Variants in EPPK1 observed in about 807,000 individuals in gnomAD.
EPPK1 encodes the protein epiplakin.
For missense variants in EPPK1, 3,823 were observed against 3,673.3 expected, an observed-to-expected ratio of 1.04 and a Z score of -1.05; for synonymous variants, 1,862 against 1,721.2, an observed-to-expected ratio of 1.08 and a Z score of -2.03.
rs372536695 is a variant in EPPK1 at position 143,867,291 on chromosome 8, G to A, written c.5963C>T (p.Pro1988Leu). The A allele has an allele frequency of 5.5e-5, 89 of 1,612,248 alleles. No homozygotes were observed. The highest frequency in any genetic ancestry group is 1.3e-4 in the East Asian group (6 of 44,886). ...CTGCTTCTGCATGGCCTGGAACAGC[G>A]GGATCGTGTCTCCTGTGGCCGGATC... is the stretch of plus-strand genomic sequence containing the variant. ...YRDPATGDTI[P>L]LFQAMQKQLI... The change falls in exon 2 of 2, where the codon CCG becomes CTG. Residue 1988 changes from proline to leucine, a missense_variant. Physicochemically the swap from Pro to Leu is moderately conservative, Grantham distance 98 (BLOSUM62 -3). Transcript: ENST00000615648.
Position 143,871,286 on chromosome 8 carries a change from T to C in EPPK1, c.1968A>G (p.Pro656=). 1 of 1,612,658 alleles carries C rather than the reference T, an allele frequency of 6.2e-7. No individual in the cohort carries two copies. The highest frequency in any genetic ancestry group is 2.2e-5 in the East Asian group (1 of 44,880). ...AQAATGFIID[P]KANKGHSVEE... ...CAACGGAGTGCCCCTTGTTTGCTTT[T>C]GGGTCGATGATGAAGCCTGTGGCAG... The change falls in exon 2 of 2, where the codon CCA becomes CCG. Residue 656 remains proline (P), a synonymous_variant. Transcript: ENST00000615648.
intron 1 of EPPK1, 121 bp from the exon 2 acceptor site, chr8:143,873,419 TAG>T: frequency 1.5e-6 from 1 of 683,898 alleles, no homozygotes; most frequent in Non-Finnish European, 2.2e-6. Flanking sequence ...GACGTGCAGC[TAG>T]AGTGTCCCCG....
intron 1 of EPPK1, among the ~76,000 whole-genome samples, chr8:143,874,383 A>G (rs577318788): frequency 6.6e-6 from 1 of 152,360 alleles, no homozygotes; most frequent in South Asian, 2.1e-4. Context: ...ATCTTTGCAG[A>G]TATCACCCAG....
At position 143,867,953 on chromosome 8, in the gene EPPK1, C is replaced by T; in HGVS notation, c.5301G>A (p.Val1767=). Residue 1767 remains valine, a synonymous_variant, in exon 2 of 2, where the codon GTG becomes GTA. Transcript: ENST00000615648. ...LQIIKKGENY[V]YINEATRHVL... is the part of the protein sequence containing the mutation. ...CGTGTCTCGTGGCCTCATTGATGTA[C>T]ACGTAGTTTTCTCCTTTCTTTATGA... 6.2e-7 allele frequency: 1 copy of T among 1,613,716 alleles called. No individual in the cohort carries two copies. Among genetic ancestry groups the T allele is most frequent in the South Asian group, 1.1e-5 (1 of 91,064 alleles).
In EPPK1 at chr8:143,873,205, T is replaced by C. The variant is rs782674475; in HGVS notation, c.49A>G (p.Thr17Ala). The stretch of plus-strand genomic sequence containing the variant: ...GCTCTGGGTACACTGGCCTGCTCTG[T>C]GCTGTTGGTGCCTGGGACGGGAAGA... Reference protein sequence around the residue: ...PPLPVPGTNSTEQASVPRAMA... With the variant: ...PPLPVPGTNSAEQASVPRAMA... The change falls in exon 2 of 2, where the codon ACA (threonine) becomes GCA (alanine). Residue 17 changes from threonine to alanine, a missense_variant. Thr to Ala is a moderately conservative substitution (Grantham distance 58, BLOSUM62 0). Coordinates refer to ENST00000615648, the MANE Select transcript of EPPK1 (RefSeq NM_031308.4). 6.3e-7 allele frequency: 1 copy of C among 1,584,800 alleles called. No individual in the cohort carries two copies. Among genetic ancestry groups the C allele is most frequent in the South Asian group, 1.2e-5 (1 of 86,376 alleles).
intron 1 of EPPK1, among the ~76,000 whole-genome samples, chr8:143,876,266 G>A (rs1819475780): frequency 6.6e-6 from 1 of 152,154 alleles, no homozygotes; most frequent in Admixed American, 6.5e-5. Flanking sequence ...CCCTAGAGGG[G>A]ACCCTCAGGG....
rs371199802 is a variant in EPPK1, at chr8:143,872,902, C to T, written c.352G>A (p.Ala118Thr). 8 of 1,605,826 alleles carry T rather than the reference C, an allele frequency of 5.0e-6. No homozygotes were observed. The African/African-American group carries it at 9.4e-5, about 19-fold the overall frequency. The change falls in exon 2 of 2, where the codon GCC (alanine) becomes ACC (threonine). Residue 118 changes from alanine (A) to threonine (T), a missense_variant. Physicochemically the swap from Ala to Thr is moderately conservative, Grantham distance 58 (BLOSUM62 0). Coordinates refer to ENST00000615648, the MANE Select transcript of EPPK1 (RefSeq NM_031308.4). ...TAGGGGTCAGGATAGCCCGTAGTGG[C>T]ACGCTCAGCGGCCAGCAGCTTCTCC... ...LKEKLLAAER[A>T]TTGYPDPYGG... is the part of the protein sequence containing the mutation.
chr8:143,876,090 G>A (rs1819472027), intron 1 of EPPK1, among the ~76,000 whole-genome samples: 1 of 152,230 alleles, frequency 6.6e-6, no homozygotes, highest in South Asian at 2.1e-4. Flanking sequence ...CAAAGGCTAT[G>A]CTGCTCCCAG....
chr8:143,866,828 C>T lies in EPPK1; in HGVS notation c.6426G>A (p.Met2142Ile), dbSNP rs1176567985. The part of the protein sequence containing the change: ...TEEKKLQLVR[M>I]YRTHTRRALQ... ...GTGCCCGTCTGGTGTGTGTTCTATA[C>T]ATCCTCACCAGCTGGAGCTTCTTCT... The change falls in exon 2 of 2, where the codon ATG (methionine) becomes ATA (isoleucine). Residue 2142 changes from methionine to isoleucine, a missense_variant. Transcript: ENST00000615648. The T allele has an allele frequency of 5.0e-6, 8 of 1,613,418 alleles. No homozygotes were observed. The highest frequency in any genetic ancestry group is 1.7e-6 in the Non-Finnish European group (2 of 1,179,876).
rs1563891959 is a variant in EPPK1 at position 143,878,374 on chromosome 8, T to TGCCCGCACCCGCCGCACCTGCCCGCACCC, written c.-46+35_-46+63dup. 6.8e-4 allele frequency: 63 copies of TGCCCGCACCCGCCGCACCTGCCCGCACCC among 92,268 alleles called. 1 individual carries two copies. Among genetic ancestry groups the TGCCCGCACCCGCCGCACCTGCCCGCACCC allele is most frequent in the African/African-American group, 3.2e-3 (60 of 19,000 alleles). The allele number at this position is 92,268 out of a possible 1,614,324, so 5.7% of individuals were successfully genotyped here. A position where few individuals can be genotyped will look rare whatever the true frequency, so the allele number is the denominator to read the frequency against. ...AGCCCGCACCCGCACCCGCCGCACCTGCCCGCACCCGCCGCACCTGCCCGC... is the reference window on the plus strand; with the variant it reads ...AGCCCGCACCCGCACCCGCCGCACCTGCCCGCACCCGCCGCACCTGCCCGCACCCGCCCGCACCCGCCGCACCTGCCCGC... On this transcript the variant is annotated intron_variant, in intron 1 of 1. Coordinates refer to ENST00000615648, the MANE Select transcript of EPPK1 (RefSeq NM_031308.4).
rs1554659147 is a variant in EPPK1 at position 143,866,730 on chromosome 8, T to C, written c.6524A>G (p.Gln2175Arg). ...QETSNKHLWFQGIRRQITASE... is the reference protein window; with the variant it reads ...QETSNKHLWFRGIRRQITASE... ...AGCTGTGATCTGTCGTCTAATTCCT[T>C]GGAACCACAGGTGTTTGTTGCTGGT... Residue 2175 changes from glutamine (Q) to arginine (R), a missense_variant, in exon 2 of 2, where the codon CAA becomes CGA. Transcript: ENST00000615648. 1 of 1,613,368 alleles carries C rather than the reference T, an allele frequency of 6.2e-7. No homozygotes were observed. The highest frequency in any genetic ancestry group is 1.3e-5 in the African/African-American group (1 of 74,950).
rs1240051743 is a variant in EPPK1, at chr8:143,867,525, A to G, written c.5729T>C (p.Val1910Ala). Residue 1910 changes from valine to alanine, a missense_variant, in exon 2 of 2, where the codon GTC becomes GCC. Val to Ala is a moderately conservative substitution (Grantham distance 64). Coordinates refer to ENST00000615648, the MANE Select transcript of EPPK1 (RefSeq NM_031308.4). ...AGVTVPSTREVMSLHEASRKE... is the reference protein window; with the variant it reads ...AGVTVPSTREAMSLHEASRKE... ...CCTGCTGGCCTCATGGAGGCTCATG[A>G]CCTCCCTGGTGGAGGGCACCGTGAC... 1 of 1,612,132 alleles carries G rather than the reference A, an allele frequency of 6.2e-7. No individual in the cohort carries two copies. The highest frequency in any genetic ancestry group is 1.1e-5 in the South Asian group (1 of 91,022).
In EPPK1 at chr8:143,868,742, T is replaced by C; in HGVS notation, c.4512A>G (p.Ala1504=). Residue 1504 remains alanine, a synonymous_variant, in exon 2 of 2, where the codon GCA becomes GCG. Transcript: ENST00000615648. ...RAAALRQVVS[A]VTTLVEAAER... is the part of the protein sequence containing the mutation. ...CTGCAGCCTCGACCAGGGTGGTGAC[T>C]GCGCTGACCACCTGCCGCAGGGCCG... The C allele has an allele frequency of 6.3e-7, 1 of 1,580,872 alleles. No homozygotes were observed. The highest frequency in any genetic ancestry group is 1.1e-5 in the South Asian group (1 of 87,716).
In EPPK1 at chr8:143,867,116, G is replaced by T; in HGVS notation, c.6138C>A (p.Asp2046Glu). 1.2e-6 allele frequency: 2 copies of T among 1,612,984 alleles called. No homozygotes were observed. The highest frequency in any genetic ancestry group is 1.7e-6 in the Non-Finnish European group (2 of 1,179,850). ...CAAACCGTTTCCTCATGTGCTTCTG[G>T]TCGGAAATGAGCGCATAGATGTCCT... The part of the protein sequence containing the change: ...LHKDIYALIS[D>E]QKHMRKRFVD... The change falls in exon 2 of 2, where the codon GAC becomes GAA. Residue 2046 changes from aspartate to glutamate, a missense_variant. Coordinates refer to ENST00000615648, the MANE Select transcript of EPPK1 (RefSeq NM_031308.4).
rs528153180 is a variant in EPPK1 at position 143,867,259 on chromosome 8, C to T, written c.5995G>A (p.Glu1999Lys). The change falls in exon 2 of 2, where the codon GAG (glutamate) becomes AAG (lysine). Residue 1999 changes from glutamate to lysine, a missense_variant. Coordinates refer to ENST00000615648, the MANE Select transcript of EPPK1 (RefSeq NM_031308.4). Reference protein sequence around the residue: ...LFQAMQKQLIEKAEALRLLEV... With the variant: ...LFQAMQKQLIKKAEALRLLEV... ...AGCAGCCTCAGTGCCTCCGCCTTCT[C>T]GATGAGCTGCTTCTGCATGGCCTGG... The T allele has an allele frequency of 1.4e-5, 22 of 1,612,440 alleles. No individual in the cohort carries two copies. Among genetic ancestry groups the T allele is most frequent in the Admixed American group, 3.3e-5 (2 of 59,996 alleles).
Position 143,871,689 on chromosome 8 carries a change from T to G in EPPK1, c.1565A>C (p.Glu522Ala), listed in dbSNP as rs1289313643. 1 of 1,605,234 alleles carries G rather than the reference T, an allele frequency of 6.2e-7. No individual in the cohort carries two copies. Among genetic ancestry groups the G allele is most frequent in the African/African-American group, 1.3e-5 (1 of 74,794 alleles). The part of the protein sequence containing the change: ...ELLFSEAISS[E>A]QRAMLAQQYQ... ...CTGCTGGGCCAGCATCGCCCTCTGC[T>G]CTGAGGAGATGGCCTCAGAGAAGAG... is the stretch of plus-strand genomic sequence containing the variant. Residue 522 changes from glutamate (E) to alanine (A), a missense_variant, in exon 2 of 2, where the codon GAG becomes GCG. By Grantham distance (107) the Glu-to-Ala change is moderately radical (BLOSUM62 -1). Coordinates refer to ENST00000615648, the MANE Select transcript of EPPK1 (RefSeq NM_031308.4).
intron 1 of EPPK1, among the ~76,000 whole-genome samples, chr8:143,877,212 C>A (rs1819498789): frequency 1.3e-5 from 2 of 152,222 alleles, no homozygotes; most frequent in South Asian, 4.1e-4. Context: ...CCCTCTGGGC[C>A]CTGCCCCTTC....
In EPPK1 at chr8:143,867,987, A is replaced by G. The variant is rs1554659712; in HGVS notation, c.5267T>C (p.Leu1756Pro). 1 of 1,613,472 alleles carries G rather than the reference A, an allele frequency of 6.2e-7. No individual in the cohort carries two copies. Among genetic ancestry groups the G allele is most frequent in the African/African-American group, 1.3e-5 (1 of 74,962 alleles). ...CVEDPETGLY[L>P]LQIIKKGENY... ...TTCTCCTTTCTTTATGATTTGTAGC[A>G]GGTACAGGCCCGTCTCGGGGTCCTC... is the stretch of plus-strand genomic sequence containing the variant. The change falls in exon 2 of 2, where the codon CTG becomes CCG. Residue 1756 changes from leucine (L) to proline (P), a missense_variant. Physicochemically the swap from Leu to Pro is moderately conservative, Grantham distance 98 (BLOSUM62 -3). Coordinates refer to ENST00000615648, the MANE Select transcript of EPPK1 (RefSeq NM_031308.4).
chr8:143,870,257 G>A lies in EPPK1; in HGVS notation c.2997C>T (p.Gly999=), dbSNP rs1554660698. The A allele has an allele frequency of 5.6e-6, 9 of 1,599,476 alleles. No individual in the cohort carries two copies. The highest frequency in any genetic ancestry group is 2.7e-5 in the African/African-American group (2 of 74,626). Residue 999 remains glycine, a synonymous_variant, in exon 2 of 2, where the codon GGC becomes GGT. Coordinates refer to ENST00000615648, the MANE Select transcript of EPPK1 (RefSeq NM_031308.4). The surrounding 1 kb of genome is among the most constrained non-coding windows in gnomAD (Gnocchi z 5.2). ...RRGVVGPELY[G]RLKRAEGAIA... ...TGGCACCCTCAGCCCGCTTCAGCCT[G>A]CCATACAGCTCCGGCCCCACCACAC...
Sources: allele counts gnomAD v4.1 joint callset (sites outside exome capture counted in the v4.1 genomes callset), GRCh38; gene constraint gnomAD v4.1.1; non-coding constraint Gnocchi (gnomAD v3.1); transcripts MANE v1.5; gene names NCBI Gene and HGNC (gene_info 2026-07-23, HGNC 2026-07-21).